Variants in CACNA1B observed in about 807,000 individuals in gnomAD.
The protein encoded by CACNA1B is voltage-dependent N-type calcium channel subunit alpha-1B.
In CACNA1B, 70 loss-of-function variants were observed where a neutral mutation model predicts 247.2. The ratio of observed to expected loss-of-function variants is 0.28; its 90% CI spans 0.23 to 0.35. CACNA1B has a LOEUF of 0.35. CACNA1B is among the 10% of genes least tolerant of loss of function. CACNA1B has a pLI of 1.00. For missense variants in CACNA1B, 2,367 were observed against 3,197.4 expected, an observed-to-expected ratio of 0.74 and a Z score of 6.26; for synonymous variants, 1,231 against 1,294.4, an observed-to-expected ratio of 0.95 and a Z score of 1.05.
At chr9:137,928,335 A>G (rs1184920721) in intron 6 of CACNA1B, among the ~76,000 whole-genome samples, 1 of 152,130 alleles carries the variant, frequency 6.6e-6, no homozygotes, top group Non-Finnish European at 1.5e-5. Flanking sequence ...TGACTTTGTG[A>G]TCTGCCTGCT....
intron 21 of CACNA1B, among the ~76,000 whole-genome samples, chr9:138,045,521 G>A (rs1228515204): frequency 6.6e-6 from 1 of 152,202 alleles, no homozygotes; most frequent in Non-Finnish European, 1.5e-5. Context: ...CATCGAGGAT[G>A]TCTGACTGAA....
chr9:137,980,094 C>T (rs539933299), intron 12 of CACNA1B, among the ~76,000 whole-genome samples: 1 of 152,256 alleles, frequency 6.6e-6, no homozygotes, highest in African/African-American at 2.4e-5. Context: ...TCTCAGCCTA[C>T]TTCCCACTGG....
intron 18 of CACNA1B, among the ~76,000 whole-genome samples, chr9:138,022,529 G>C (rs1437318036): frequency 6.6e-6 from 1 of 152,144 alleles, no homozygotes; most frequent in African/African-American, 2.4e-5. Flanking sequence ...AGAAGGGGCC[G>C]CGTGTCCCGC....
intron 35 of CACNA1B, 50 bp from the exon 36 acceptor site, chr9:138,078,064 G>A (rs199912940): frequency 2.6e-5 from 41 of 1,584,106 alleles, no homozygotes; most frequent in Non-Finnish European, 3.5e-5. Context: ...ACAGGGCTCG[G>A]GCTCCCTCAA....
At chr9:138,084,689 C>T (rs1327870906) in intron 36 of CACNA1B, among the ~76,000 whole-genome samples, 3 of 151,130 alleles carry the variant, frequency 2.0e-5, no homozygotes, top group East Asian at 2.0e-4. Flanking sequence ...TGGTGGCTCA[C>T]GCCTGTAATC....
Position 138,058,633 on chromosome 9 carries a change from A to C in CACNA1B, c.4373A>C (p.Gln1458Pro), listed in dbSNP as rs200021661. 146 of 1,613,916 alleles carry C rather than the reference A, an allele frequency of 9.0e-5. No individual in the cohort carries two copies. The highest frequency in any genetic ancestry group is 6.6e-4 in the Middle Eastern group (4 of 6,060). The change falls in exon 29 of 47, where the codon CAG (glutamine) becomes CCG (proline). Residue 1458 changes from glutamine (Q) to proline (P), a missense_variant. Gln to Pro is a moderately conservative substitution (Grantham distance 76, BLOSUM62 -1). Transcript: ENST00000371372. This position sits in a 1 kb window ranked among gnomAD's most constrained non-coding sequence, Gnocchi z 4.7. ...ACACGGTACATGCCCCAAAACCGGC[A>C]GTCGTTCCAGTATAAGACGTGGACA... is the stretch of plus-strand genomic sequence containing the variant. ...PLTRYMPQNR[Q>P]SFQYKTWTFV...
intron 15 of CACNA1B, among the ~76,000 whole-genome samples, chr9:137,988,542 A>G (rs1467574826): frequency 1.3e-5 from 2 of 152,176 alleles, no homozygotes; most frequent in Non-Finnish European, 2.9e-5. Context: ...CAGACATTAC[A>G]TGCCCCCTGC....
Position 137,967,615 on chromosome 9 carries a change from G to A in CACNA1B, c.1334-3768G>A, listed in dbSNP as rs115276626. On this transcript the variant is annotated intron_variant, in intron 10 of 46. Coordinates refer to ENST00000371372, the MANE Select transcript of CACNA1B (RefSeq NM_000718.4). The stretch of plus-strand genomic sequence containing the variant: ...GGGTGTTGGTGGTGGCTGACTCTTC[G>A]AGTTCCTGTGTACTCTCAGGTGCCC... Among the ~76,000 whole-genome samples the A allele has an allele frequency of 3.5e-3, 529 of 152,276 alleles. 1 individual carries two copies. The highest frequency in any genetic ancestry group is 0.012 in the African/African-American group (498 of 41,554).
intron 36 of CACNA1B, among the ~76,000 whole-genome samples, chr9:138,082,272 G>C (rs1439855250): frequency 6.6e-6 from 1 of 151,408 alleles, no homozygotes. Context: ...CAGAATTGTT[G>C]AAAGAAAATC....
At chr9:138,120,032 C>A in intron 44 of CACNA1B, 133 bp from the exon 45 acceptor site, 4 of 748,836 alleles carry the variant, frequency 5.3e-6, no homozygotes, top group Non-Finnish European at 2.2e-6. Flanking sequence ...AGGCCTGGGT[C>A]CTTCTGACTG....
Position 137,947,975 on chromosome 9 carries a change from C to CTTTT in CACNA1B, c.967-4279_967-4276dup, listed in dbSNP as rs71387878. Among the ~76,000 whole-genome samples the CTTTT allele has an allele frequency of 1.5e-3, 121 of 79,438 alleles. 4 individuals are homozygous for CTTTT. Among genetic ancestry groups the CTTTT allele is most frequent in the African/African-American group, 3.9e-3 (65 of 16,842 alleles). 52.1% of individuals were successfully genotyped at this position (79,438 alleles called of 152,430 possible). ...TAAAGTTGAGAAGTTTTCAGCATTC[C>CTTTT]TTTTTTTTTTTTTTTTTTTTTTTGA... On this transcript the variant is annotated intron_variant, in intron 6 of 46. Transcript: ENST00000371372.
At chr9:137,992,693 A>G (rs923110979) in intron 15 of CACNA1B, among the ~76,000 whole-genome samples, 1 of 152,160 alleles carries the variant, frequency 6.6e-6, no homozygotes, top group African/African-American at 2.4e-5. Context: ...ATAGGCCACA[A>G]AACAAGTCTC....
rs1228570171 is a variant in CACNA1B at position 137,899,021 on chromosome 9, C to T, written c.531-14159C>T. On this transcript the variant is annotated intron_variant, in intron 3 of 46. Coordinates refer to ENST00000371372, the MANE Select transcript of CACNA1B (RefSeq NM_000718.4). The surrounding 1 kb of genome is among the most constrained non-coding windows in gnomAD (Gnocchi z 5.0). The stretch of plus-strand genomic sequence containing the variant: ...TCCTGGACTCAAGCAGTCCTCCCGC[C>T]TCAGCTTTCCAAAGTGCTGGGATTG... 6.6e-6 allele frequency among the ~76,000 whole-genome samples: 1 copy of T among 152,018 alleles called. No individual in the cohort carries two copies. The highest frequency in any genetic ancestry group is 1.5e-5 in the Non-Finnish European group (1 of 68,014).
At chr9:137,942,827 G>A (rs896127617) in intron 6 of CACNA1B, among the ~76,000 whole-genome samples, 5 of 152,186 alleles carry the variant, frequency 3.3e-5, no homozygotes, top group African/African-American at 1.2e-4. Flanking sequence ...AAGAAAGGGT[G>A]GGGTGAGAGA....
chr9:137,993,339 C>CTAGATTAAATTTTTGTCTAGA (rs1270361808), intron 15 of CACNA1B, among the ~76,000 whole-genome samples: 37 of 82,316 alleles, frequency 4.5e-4, no homozygotes, highest in African/African-American at 3.9e-3. Context: ...TTTTGTCTAT[C>CTAGATTAAATTTTTGTCTAGA]TAGATTAAAT....
At chr9:137,892,651 C>T (rs569183587) in intron 3 of CACNA1B, 21 of 340,574 alleles carry the variant, frequency 6.2e-5, no homozygotes, top group Non-Finnish European at 1.1e-4. Context: ...GCAGGAGGGA[C>T]GTCCCCCAGC....
chr9:137,923,700 T>A (rs1054884416), intron 6 of CACNA1B, among the ~76,000 whole-genome samples: 1 of 152,276 alleles, frequency 6.6e-6, no homozygotes, highest in Non-Finnish European at 1.5e-5. Flanking sequence ...AGTAGTTGCA[T>A]GCTTAGTTTT....
intron 12 of CACNA1B, among the ~76,000 whole-genome samples, chr9:137,983,523 T>C (rs948200823): frequency 2.6e-5 from 4 of 152,020 alleles, no homozygotes; most frequent in African/African-American, 9.7e-5. Context: ...AAATTCCAGC[T>C]CACCAACATC....
intron 20 of CACNA1B, chr9:138,032,870 G>A: frequency 3.2e-6 from 1 of 313,400 alleles, no homozygotes; most frequent in Non-Finnish European, 6.2e-6. Flanking sequence ...GTTCCTTTAA[G>A]TTTATCTTGT....
Sources: allele counts gnomAD v4.1 joint callset (sites outside exome capture counted in the v4.1 genomes callset), GRCh38; gene constraint gnomAD v4.1.1; non-coding constraint Gnocchi (gnomAD v3.1); transcripts MANE v1.5; gene names NCBI Gene and HGNC (gene_info 2026-07-23, HGNC 2026-07-21).